TTC39B: variants seen among roughly 807,000 people sequenced by gnomAD.
TTC39B encodes the protein tetratricopeptide repeat domain 39B, also known as tetratricopeptide repeat protein 39B.
TTC39B carries 92 observed loss-of-function variants against 96.6 expected under a neutral mutation model. That is an observed-to-expected ratio of 0.95 (90% CI 0.80 to 1.13). The LOEUF (loss-of-function observed/expected upper bound fraction) is 1.13. Ranked by LOEUF, TTC39B falls within the 50% of genes most tolerant of loss-of-function variation. The pLI is 0.00. For synonymous variants in TTC39B, 367 were observed against 299.4 expected, an observed-to-expected ratio of 1.23 and a Z score of -2.33; for missense variants, 955 against 809.3, an observed-to-expected ratio of 1.18 and a Z score of -2.18.
intron 6 of TTC39B, among the ~76,000 whole-genome samples, chr9:15,206,335 A>G (rs1333392832): frequency 2.0e-5 from 3 of 152,198 alleles, no homozygotes; most frequent in Non-Finnish European, 4.4e-5. Context: ...CCAGACACTC[A>G]AGGATGTAAA....
At chr9:15,176,229 G>C (rs1817930448) in intron 18 of TTC39B, among the ~76,000 whole-genome samples, 1 of 152,148 alleles carries the variant, frequency 6.6e-6, no homozygotes, top group African/African-American at 2.4e-5. Context: ...ATGAAGGTGA[G>C]TTCACAATCC....
intron 17 of TTC39B, among the ~76,000 whole-genome samples, chr9:15,179,412 T>C (rs1316194948): frequency 6.6e-6 from 1 of 152,166 alleles, no homozygotes. Flanking sequence ...AGATTAACAA[T>C]GCTACTTAAC....
intron 19 of TTC39B, among the ~76,000 whole-genome samples, 163 bp from the exon 20 acceptor site, chr9:15,172,272 T>TG (rs1564304801): frequency 6.6e-6 from 1 of 151,886 alleles, no homozygotes; most frequent in Non-Finnish European, 1.5e-5. Flanking sequence ...TGGGGGGTTT[T>TG]GGGGGGAACT....
At chr9:15,241,507 C>T (rs999532368) in intron 2 of TTC39B, among the ~76,000 whole-genome samples, 7 of 151,806 alleles carry the variant, frequency 4.6e-5, no homozygotes, top group African/African-American at 9.7e-5. Flanking sequence ...AAAGATGATA[C>T]CTGAGTGAGA....
intron 17 of TTC39B, 55 bp from the exon 18 acceptor site, chr9:15,177,869 CTTTTTT>C: frequency 8.6e-5 from 40 of 466,190 alleles, no homozygotes; most frequent in South Asian, 1.2e-4. Context: ...TTTTTAAGAT[CTTTTTT>C]TTTTTTTTTT....
chr9:15,215,874 T>A (rs1820487478), intron 3 of TTC39B, among the ~76,000 whole-genome samples: 1 of 151,892 alleles, frequency 6.6e-6, no homozygotes, highest in African/African-American at 2.4e-5. Flanking sequence ...AAAAACTAAA[T>A]AAATAAATAA....
chr9:15,187,533 C>G (rs1260219753), intron 14 of TTC39B, among the ~76,000 whole-genome samples: 1 of 152,220 alleles, frequency 6.6e-6, no homozygotes, highest in African/African-American at 2.4e-5. Flanking sequence ...GATCATAGCT[C>G]ACTGTAGCCT....
chr9:15,174,651 T>A (rs1315448212), intron 19 of TTC39B, among the ~76,000 whole-genome samples: 1 of 152,232 alleles, frequency 6.6e-6, no homozygotes, highest in Non-Finnish European at 1.5e-5. Context: ...CTTCTATGAC[T>A]TCTTTTGATA....
intron 1 of TTC39B, among the ~76,000 whole-genome samples, chr9:15,274,141 C>G (rs1329220149): frequency 6.6e-6 from 1 of 152,192 alleles, no homozygotes; most frequent in African/African-American, 2.4e-5. Flanking sequence ...CCTATTAAAA[C>G]TTGAATAAAG....
At chr9:15,186,261 C>T (rs1267280810) in intron 15 of TTC39B, among the ~76,000 whole-genome samples, 1 of 152,142 alleles carries the variant, frequency 6.6e-6, no homozygotes, top group Non-Finnish European at 1.5e-5. Flanking sequence ...TACAGTGTCT[C>T]ATCATTTTTG....
chr9:15,256,654 GT>G (rs950304243), intron 2 of TTC39B, among the ~76,000 whole-genome samples: 1 of 152,210 alleles, frequency 6.6e-6, no homozygotes, highest in Non-Finnish European at 1.5e-5. Flanking sequence ...AAGACTAACT[GT>G]TTTGGTGGAG....
intron 2 of TTC39B, among the ~76,000 whole-genome samples, chr9:15,258,877 C>A (rs1487770666): frequency 6.6e-6 from 1 of 152,140 alleles, no homozygotes; most frequent in African/African-American, 2.4e-5. Flanking sequence ...GAAATCTTGT[C>A]ACTCCTCATA....
rs182952607 is a variant in TTC39B at position 15,246,952 on chromosome 9, T to C, written c.276-20940A>G. On this transcript the variant is annotated intron_variant, in intron 2 of 19. Transcript: ENST00000512701. ...TCTGTGGTGATTTGTTACACAGCTA[T>C]TGATATGCAGCATAGGAAACATTAA... is the stretch of plus-strand genomic sequence containing the variant. Among the ~76,000 whole-genome samples the C allele has an allele frequency of 2.2e-3, 335 of 152,388 alleles. 1 individual carries two copies. Among genetic ancestry groups the C allele is most frequent in the African/African-American group, 7.6e-3 (316 of 41,592 alleles).
At chr9:15,244,956 G>C (rs1822208871) in intron 2 of TTC39B, among the ~76,000 whole-genome samples, 2 of 152,182 alleles carry the variant, frequency 1.3e-5, no homozygotes, top group Non-Finnish European at 1.5e-5. Context: ...AAAAATAAAG[G>C]CTTCCAAAAA....
chr9:15,239,671 A>G (rs1821950345), intron 2 of TTC39B, among the ~76,000 whole-genome samples: 2 of 152,262 alleles, frequency 1.3e-5, no homozygotes, highest in Non-Finnish European at 2.9e-5. Context: ...CAGAAAATCA[A>G]ATACCATGGG....
intron 19 of TTC39B, among the ~76,000 whole-genome samples, chr9:15,173,582 G>A (rs927487964): frequency 9.9e-5 from 15 of 152,110 alleles, no homozygotes; most frequent in Admixed American, 5.2e-4. Context: ...TTTCCTAGAT[G>A]TCTTCCTAAC....
rs190968018 is a variant in TTC39B at position 15,200,639 on chromosome 9, G to T, written c.760-714C>A. The stretch of plus-strand genomic sequence containing the variant: ...CTTGAAGGAAGTTACTCTAATAGAT[G>T]GTACTAGTGGAGACAGTCCTACGTT... On this transcript the variant is annotated intron_variant, in intron 7 of 19. Transcript: ENST00000512701. Among the ~76,000 whole-genome samples, 36 of 152,320 alleles carry T rather than the reference G, an allele frequency of 2.4e-4. 1 individual carries two copies. The highest frequency in any genetic ancestry group is 7.9e-4 in the African/African-American group (33 of 41,574).
rs1824012072 is a variant in TTC39B, at chr9:15,287,394, GTAACAGAGTT to G, written c.241-19456_241-19447del. 2.0e-5 allele frequency among the ~76,000 whole-genome samples: 3 copies of G among 152,298 alleles called. No individual in the cohort carries two copies. The South Asian group carries it at 6.2e-4, about 32-fold the overall frequency. ...CTAGAGACAACAGAACAGGTCAGTC[GTAACAGAGTT>G]ACGGAAGAGATGATTGTCTCCAATT... On this transcript the variant is annotated intron_variant, in intron 1 of 19. Coordinates refer to ENST00000512701, the Ensembl canonical transcript of TTC39B.
In TTC39B at chr9:15,198,248, G is replaced by A. The variant is rs151102962; in HGVS notation, c.824+1613C>T. Among the ~76,000 whole-genome samples, 49 of 152,062 alleles carry A rather than the reference G, an allele frequency of 3.2e-4. No individual in the cohort carries two copies. In the East Asian group the frequency reaches 9.5e-3, roughly 29 times the overall value. On this transcript the variant is annotated intron_variant, in intron 8 of 19. Transcript: ENST00000512701. ...CCAAGACGGGTGGATCACGAGGTCA[G>A]GAGTTCGAGACCAGCCCGGTCAATA...
Sources: gnomAD v4.1 joint callset for allele counts (sites outside exome capture counted in the v4.1 genomes callset) on GRCh38, gnomAD v4.1.1 for gene constraint, MANE v1.5 for transcripts, NCBI Gene and HGNC (gene_info 2026-07-23, HGNC 2026-07-21) for gene names.